Variants in ULK4 observed in about 807,000 individuals in gnomAD.
ULK4 encodes inactive serine/threonine-protein kinase ULK4.
Under a neutral mutation model 160.6 loss-of-function variants are expected in ULK4, and 133 were observed. The observed-to-expected ratio is 0.83, with a 90% CI of 0.72 to 0.96. The LOEUF (loss-of-function observed/expected upper bound fraction) is 0.96, where lower values mean the gene tolerates loss of function less well. Among genes scored for constraint, ULK4 ranks in the 40% least tolerant of loss-of-function variants. The pLI is 0.00. For synonymous variants in ULK4, 534 were observed against 539.8 expected (o/e 0.99, Z 0.15); for missense variants, 1,580 against 1,499.5 (o/e 1.05, Z -0.89).
intron 27 of ULK4, among the ~76,000 whole-genome samples, chr3:41,694,096 A>T (rs2036404399): frequency 6.6e-6 from 1 of 152,238 alleles, no homozygotes; most frequent in African/African-American, 2.4e-5. Flanking sequence ...TTATTACAGG[A>T]TTAGCAAATG....
intron 29 of ULK4, among the ~76,000 whole-genome samples, chr3:41,676,432 G>C (rs1322472167): frequency 3.3e-5 from 5 of 152,120 alleles, no homozygotes; most frequent in African/African-American, 1.2e-4. Flanking sequence ...TAGAAAGTAT[G>C]AATTGTAAAA....
intron 35 of ULK4, among the ~76,000 whole-genome samples, chr3:41,391,645 C>G (rs2081959194): frequency 6.6e-6 from 1 of 151,734 alleles, no homozygotes; most frequent in African/African-American, 2.4e-5. Context: ...TCTTTAATGA[C>G]TCTGTACATA....
intron 17 of ULK4, among the ~76,000 whole-genome samples, chr3:41,857,795 G>A (rs2042396135): frequency 6.6e-6 from 1 of 152,114 alleles, no homozygotes; most frequent in African/African-American, 2.4e-5. Flanking sequence ...AATTTCTGCA[G>A]TATTAGTTGT....
chr3:41,709,665 G>A (rs1413964233), intron 25 of ULK4, among the ~76,000 whole-genome samples: 3 of 152,136 alleles, frequency 2.0e-5, no homozygotes, highest in South Asian at 2.1e-4. Flanking sequence ...AATTACAGGC[G>A]TGAGCCACCA....
At chr3:41,490,406 G>A (rs1049860035) in intron 32 of ULK4, among the ~76,000 whole-genome samples, 4 of 152,026 alleles carry the variant, frequency 2.6e-5, no homozygotes, top group African/African-American at 7.2e-5. Flanking sequence ...CTCATCATTC[G>A]CTCCTGCCTC....
intron 35 of ULK4, among the ~76,000 whole-genome samples, chr3:41,272,343 G>GTTTT (rs3038324): frequency 0.01 from 954 of 95,332 alleles, no homozygotes; most frequent in Middle Eastern, 0.023. Flanking sequence ...AATTTTGAAA[G>GTTTT]TTTTTTTTTT....
At chr3:41,860,035 T>G (rs1049257622) in intron 17 of ULK4, among the ~76,000 whole-genome samples, 1 of 152,072 alleles carries the variant, frequency 6.6e-6, no homozygotes, top group Non-Finnish European at 1.5e-5. Flanking sequence ...TTCCATGTAT[T>G]TGTAAAGTTT....
chr3:41,897,419 TAAC>T (rs1698199246), intron 14 of ULK4, among the ~76,000 whole-genome samples: 1 of 151,842 alleles, frequency 6.6e-6, no homozygotes, highest in South Asian at 2.1e-4. Context: ...GTAAAAAAAA[TAAC>T]GAGAATAACA....
intron 8 of ULK4, among the ~76,000 whole-genome samples, chr3:41,913,950 G>C (rs1203285649): frequency 6.6e-6 from 1 of 152,142 alleles, no homozygotes; most frequent in Admixed American, 6.5e-5. Flanking sequence ...GTGACAGAGT[G>C]AGACCCCGTC....
chr3:41,295,981 C>A lies in ULK4; in HGVS notation c.3679-46407G>T, dbSNP rs900010540. Among the ~76,000 whole-genome samples the A allele has an allele frequency of 1.1e-4, 16 of 152,254 alleles. 1 individual carries two copies. In the South Asian group the frequency reaches 2.9e-3, roughly 28 times the overall value. On this transcript the variant is annotated intron_variant, in intron 35 of 36. Coordinates refer to ENST00000301831, the MANE Select transcript of ULK4 (RefSeq NM_017886.4). ...TTTATAGCAGCTTTACTCATAATTG[C>A]CAAAATTTGGAAGCAAGCAAGGTAG...
intron 35 of ULK4, among the ~76,000 whole-genome samples, chr3:41,340,145 A>T (rs1009793028): frequency 2.0e-5 from 3 of 152,242 alleles, no homozygotes; most frequent in Admixed American, 2.0e-4. Context: ...AGTATATATT[A>T]TTTCTACTGT....
chr3:41,872,031 G>A (rs1613615), intron 17 of ULK4, among the ~76,000 whole-genome samples: 20,109 of 152,156 alleles, frequency 0.13, 4,332 homozygotes, highest in African/African-American at 0.45. Flanking sequence ...CGTCTGTCCA[G>A]TCACCTCAAT....
chr3:41,639,929 A>T (rs1463147540), intron 30 of ULK4, among the ~76,000 whole-genome samples: 2 of 152,232 alleles, frequency 1.3e-5, no homozygotes, highest in African/African-American at 2.4e-5. Context: ...CTGGGTAAAG[A>T]AATAGAAAAC....
At chr3:41,543,904 C>CT (rs2125956492) in intron 32 of ULK4, among the ~76,000 whole-genome samples, 1 of 152,220 alleles carries the variant, frequency 6.6e-6, no homozygotes, top group East Asian at 1.9e-4. Flanking sequence ...TTTATATTAT[C>CT]TACTTGATGT....
intron 17 of ULK4, among the ~76,000 whole-genome samples, chr3:41,846,594 C>G (rs2042074963): frequency 6.6e-6 from 1 of 152,026 alleles, no homozygotes; most frequent in African/African-American, 2.4e-5. Context: ...TGTCTGAGGT[C>G]AGGAGTTCAA....
chr3:41,755,497 G>A (rs1208630705), intron 21 of ULK4, among the ~76,000 whole-genome samples: 3 of 152,094 alleles, frequency 2.0e-5, no homozygotes, highest in Admixed American at 2.0e-4. Context: ...AGTCATCCTT[G>A]AGTAGAAGAT....
chr3:41,810,463 T>A (rs1264457832), intron 19 of ULK4, among the ~76,000 whole-genome samples: 1 of 152,206 alleles, frequency 6.6e-6, no homozygotes, highest in Non-Finnish European at 1.5e-5. Context: ...TGAAATAAAG[T>A]TGTGTTACCT....
chr3:41,595,200 G>A (rs1323515201), intron 31 of ULK4, among the ~76,000 whole-genome samples: 1 of 152,190 alleles, frequency 6.6e-6, no homozygotes, highest in Non-Finnish European at 1.5e-5. Flanking sequence ...GTGCAGGCCA[G>A]CTTCAGAGGA....
At chr3:41,909,277 T>C (rs988676326) in intron 11 of ULK4, among the ~76,000 whole-genome samples, 10 of 148,236 alleles carry the variant, frequency 6.7e-5, no homozygotes, top group Non-Finnish European at 1.5e-4. Flanking sequence ...AAAAAAATTA[T>C]CATCTTCAAA....
Sources: allele counts gnomAD v4.1 joint callset (sites outside exome capture counted in the v4.1 genomes callset), GRCh38; gene constraint gnomAD v4.1.1; transcripts MANE v1.5; gene names NCBI Gene and HGNC (gene_info 2026-07-23, HGNC 2026-07-21).